DOCK8: variants seen among roughly 807,000 people sequenced by gnomAD.
The protein encoded by DOCK8 is dedicator of cytokinesis 8, also known as dedicator of cytokinesis protein 8.
In DOCK8, 141 loss-of-function variants were observed where a neutral mutation model predicts 245.6. The observed-to-expected ratio is 0.57, with a 90% CI of 0.50 to 0.66. The LOEUF is 0.66. Ranked by LOEUF, DOCK8 falls within the 30% of genes least tolerant of loss-of-function variation. The probability of loss-of-function intolerance (pLI) is 0.00; values close to 1 mark genes in which losing one functional copy is unlikely to be tolerated. For missense variants in DOCK8, 2,965 were observed against 2,603.4 expected (o/e 1.14, Z -3.02); for synonymous variants, 1,168 against 970.2 (o/e 1.20, Z -3.79).
upstream of DOCK8, chr9:212,944 C>G (rs1473770123): frequency 6.6e-6 from 1 of 152,294 alleles, no homozygotes; most frequent in African/African-American, 2.4e-5. Flanking sequence ...ACATGGTACA[C>G]CGTGGACCGA....
chr9:391,605 T>G (rs1199543576), intron 24 of DOCK8, among the ~76,000 whole-genome samples: 1 of 152,070 alleles, frequency 6.6e-6, no homozygotes, highest in Non-Finnish European at 1.5e-5. Flanking sequence ...GCAAAAGGAT[T>G]TTCCCATAGA....
At chr9:300,461 C>T (rs140690783) in intron 4 of DOCK8, among the ~76,000 whole-genome samples, 31 of 151,700 alleles carry the variant, frequency 2.0e-4, no homozygotes, top group Non-Finnish European at 3.5e-4. Flanking sequence ...AGCAAACCAA[C>T]TCCAAAGCCA....
At position 463,718 on chromosome 9, in the gene DOCK8, G is replaced by C. The variant is rs527956342; in HGVS notation, c.6239+31G>C. 4 of 1,613,238 alleles carry C rather than the reference G, an allele frequency of 2.5e-6. No homozygotes were observed. The South Asian group carries it at 3.3e-5, about 13-fold the overall frequency. ...AACAGGGCAGAGGAGGCCTCTTCCT[G>C]TGGGATAAAGAGCAGCGCATGGGGC... is the stretch of plus-strand genomic sequence containing the variant. On this transcript the variant is annotated intron_variant, in intron 47 of 47. Transcript: ENST00000432829.
At chr9:288,048 G>A (rs2048894248) in intron 3 of DOCK8, among the ~76,000 whole-genome samples, 1 of 150,150 alleles carries the variant, frequency 6.7e-6, no homozygotes, top group East Asian at 1.9e-4. Flanking sequence ...GAATTTAGAG[G>A]AAGGAGGAGG....
At chr9:335,110 A>ATTC (rs1367144414) in intron 11 of DOCK8, among the ~76,000 whole-genome samples, 1 of 152,212 alleles carries the variant, frequency 6.6e-6, no homozygotes, top group African/African-American at 2.4e-5. Flanking sequence ...GAAAAACTCA[A>ATTC]GTTTCCCAGC....
chr9:449,640 C>A, intron 44 of DOCK8, 144 bp from the exon 45 acceptor site: 2 of 982,184 alleles, frequency 2.0e-6, no homozygotes, highest in Middle Eastern at 3.2e-4. Flanking sequence ...TCTTTTTAAC[C>A]TGTTAAGAGT....
At chr9:289,358 A>G in intron 3 of DOCK8, 152 bp from the exon 4 acceptor site, 1 of 672,378 alleles carries the variant, frequency 1.5e-6, no homozygotes, top group Non-Finnish European at 2.7e-6. Flanking sequence ...CCCCAGGAAT[A>G]CTTCAGACAT....
intron 30 of DOCK8, chr9:419,981 T>A: frequency 3.7e-6 from 1 of 270,880 alleles, no homozygotes; most frequent in African/African-American, 2.2e-5. Flanking sequence ...GCCAGTTTCC[T>A]TCTCCCCTGT....
At chr9:460,132 C>T (rs1170762384) in intron 46 of DOCK8, 3 of 122,202 alleles carry the variant, frequency 2.5e-5, no homozygotes, top group Non-Finnish European at 5.3e-5. Flanking sequence ...ATTATATGAG[C>T]TTATTATCCC....
intron 21 of DOCK8, 55 bp from the exon 22 acceptor site, chr9:382,458 A>C: frequency 6.2e-7 from 1 of 1,609,850 alleles, no homozygotes; most frequent in Non-Finnish European, 8.5e-7. Flanking sequence ...TCTTAAACTC[A>C]GTAAGTAACT....
In DOCK8 at chr9:464,618, C is replaced by G. The variant is rs2057914430; in HGVS notation, c.*399C>G. 1 of 257,124 alleles carries G rather than the reference C, an allele frequency of 3.9e-6. No individual in the cohort carries two copies. Among genetic ancestry groups the G allele is most frequent in the Non-Finnish European group, 7.7e-6 (1 of 130,700 alleles). The allele number at this position is 257,124 out of a possible 1,614,324, so 15.9% of individuals were successfully genotyped here. A position where few individuals can be genotyped will look rare whatever the true frequency, so the allele number is the denominator to read the frequency against. On this transcript the variant is annotated 3_prime_UTR_variant, in exon 48 of 48. Transcript: ENST00000432829. ...GCCTGAGGAAAAATGGAAAAATTATCCACCAGTCGATTCAAACTGAATTTC... is the reference window on the plus strand; with the variant it reads ...GCCTGAGGAAAAATGGAAAAATTATGCACCAGTCGATTCAAACTGAATTTC...
At chr9:370,783 C>T (rs1177829309) in intron 16 of DOCK8, among the ~76,000 whole-genome samples, 1 of 152,116 alleles carries the variant, frequency 6.6e-6, no homozygotes, top group Admixed American at 6.5e-5. Flanking sequence ...ATTCATGTTC[C>T]ACAGGGAAGG....
At chr9:232,284 T>C (rs559866475) in intron 1 of DOCK8, among the ~76,000 whole-genome samples, 3 of 152,316 alleles carry the variant, frequency 2.0e-5, no homozygotes, top group Admixed American at 6.5e-5. Flanking sequence ...GATGTGCTGC[T>C]GGATTCGGTT....
At chr9:336,006 A>G (rs895355173) in intron 11 of DOCK8, among the ~76,000 whole-genome samples, 3 of 152,192 alleles carry the variant, frequency 2.0e-5, no homozygotes, top group African/African-American at 7.2e-5. Flanking sequence ...TGGGCAAACT[A>G]TCAGGGTCCC....
chr9:213,728 GTTGT>G (rs1318967980), upstream of DOCK8: 8 of 91,058 alleles, frequency 8.8e-5, no homozygotes, highest in African/African-American at 5.0e-4. Context: ...CTTCGCTTTG[GTTGT>G]TTTTTTTTTT....
At chr9:463,418 CTTAAAG>C in intron 46 of DOCK8, 93 bp from the exon 47 acceptor site, 1 of 1,485,770 alleles carries the variant, frequency 6.7e-7, no homozygotes, top group Admixed American at 1.8e-5. Flanking sequence ...TGAAAACGTT[CTTAAAG>C]TTATTCGAAA....
At chr9:399,295 C>G in intron 26 of DOCK8, 36 bp downstream of exon 26, 1 of 1,396,584 alleles carries the variant, frequency 7.2e-7, no homozygotes, top group South Asian at 1.2e-5. Flanking sequence ...CCGAGCGAGC[C>G]ACTTGGTTCC....
At chr9:376,139 G>T (rs2053505720) in intron 18 of DOCK8, 71 bp from the exon 19 acceptor site, 1 of 1,033,684 alleles carries the variant, frequency 9.7e-7, no homozygotes, top group African/African-American at 1.6e-5. Context: ...AGTCAAGTTG[G>T]TCTGCATTGC....
At chr9:278,808 T>C (rs1042542700) in intron 2 of DOCK8, among the ~76,000 whole-genome samples, 4 of 152,074 alleles carry the variant, frequency 2.6e-5, no homozygotes, top group East Asian at 3.9e-4. Context: ...AATGCAGTCA[T>C]AGAGAAAGCA....
Sources: gnomAD v4.1 joint callset for allele counts (sites outside exome capture counted in the v4.1 genomes callset) on GRCh38, gnomAD v4.1.1 for gene constraint, MANE v1.5 for transcripts, NCBI Gene and HGNC (gene_info 2026-07-23, HGNC 2026-07-21) for gene names.